The following CAMK1D variants were observed in gnomAD, a reference collection of about 807,000 sequenced individuals.
CAMK1D encodes the protein calcium/calmodulin dependent protein kinase ID.
CAMK1D carries 9 observed loss-of-function variants against 47.7 expected under a neutral mutation model. The ratio of observed to expected loss-of-function variants is 0.19; its 90% CI spans 0.11 to 0.33. The LOEUF is 0.33. Ranked by LOEUF, CAMK1D falls within the 10% of genes least tolerant of loss-of-function variation. The pLI is 1.00. For synonymous variants in CAMK1D, 184 were observed against 184.9 expected, an observed-to-expected ratio of 0.99 and a Z score of 0.04; for missense variants, 291 against 488.7, an observed-to-expected ratio of 0.60 and a Z score of 3.81.
chr10:12,830,959 AC>A lies in CAMK1D; in HGVS notation c.*2073del, dbSNP rs1564597045. ...CACACACACACACACACACACACAC[AC>A]ACACAATGTTATTAGGCACAGCAGC... On this transcript the variant is annotated 3_prime_UTR_variant, in exon 11 of 11. Coordinates refer to ENST00000619168, the MANE Select transcript of CAMK1D (RefSeq NM_153498.4). 5.3e-3 allele frequency: 772 copies of A among 146,882 alleles called. 6 individuals carry two copies. Among genetic ancestry groups the A allele is most frequent in the African/African-American group, 0.014 (503 of 35,988 alleles). 9.1% of individuals were successfully genotyped at this position (146,882 alleles called of 1,614,324 possible). A position where few individuals can be genotyped will look rare whatever the true frequency, so the allele number is the denominator to read the frequency against.
intron 1 of CAMK1D, among the ~76,000 whole-genome samples, chr10:12,432,505 G>A (rs187915109): frequency 8.2e-4 from 125 of 152,284 alleles, no homozygotes; most frequent in African/African-American, 2.8e-3. Context: ...ATGAGTTAAT[G>A]TGTGAATGAA....
chr10:12,821,662 T>C (rs1395266952), intron 8 of CAMK1D, among the ~76,000 whole-genome samples: 1 of 152,238 alleles, frequency 6.6e-6, no homozygotes, highest in Non-Finnish European at 1.5e-5. Flanking sequence ...GCTATCTGCA[T>C]TGTTCTTGTA....
At chr10:12,442,605 G>GT (rs1173097907) in intron 1 of CAMK1D, among the ~76,000 whole-genome samples, 2 of 152,250 alleles carry the variant, frequency 1.3e-5, no homozygotes, top group East Asian at 1.9e-4. Context: ...ACTGTTTTTA[G>GT]TTTTTTTGTC....
chr10:12,465,475 C>T (rs528571948), intron 1 of CAMK1D, among the ~76,000 whole-genome samples: 2 of 152,316 alleles, frequency 1.3e-5, no homozygotes, highest in Admixed American at 1.3e-4. Flanking sequence ...CTGCCTCAGC[C>T]TTCCGAGTAG....
intron 3 of CAMK1D, among the ~76,000 whole-genome samples, chr10:12,756,610 T>A (rs1836236069): frequency 1.3e-5 from 2 of 152,200 alleles, no homozygotes; most frequent in Non-Finnish European, 2.9e-5. Flanking sequence ...CATTATACTG[T>A]CTTAGGCAAG....
At chr10:12,557,361 A>C (rs1836793959) in intron 2 of CAMK1D, among the ~76,000 whole-genome samples, 1 of 152,062 alleles carries the variant, frequency 6.6e-6, no homozygotes, top group African/African-American at 2.4e-5. Flanking sequence ...AATCCTGGCT[A>C]ATACGGTGAA....
At chr10:12,517,583 T>C (rs986604384) in intron 1 of CAMK1D, among the ~76,000 whole-genome samples, 2 of 152,250 alleles carry the variant, frequency 1.3e-5, no homozygotes, top group African/African-American at 4.8e-5. Context: ...TTAAGTCATA[T>C]GTGGATATTG....
intron 5 of CAMK1D, among the ~76,000 whole-genome samples, chr10:12,774,157 A>G (rs970074349): frequency 3.9e-5 from 6 of 152,144 alleles, no homozygotes; most frequent in Non-Finnish European, 8.8e-5. Flanking sequence ...TGAGAGAGAC[A>G]TAGGCTATAA....
chr10:12,572,620 T>G (rs1564420653), intron 2 of CAMK1D, among the ~76,000 whole-genome samples: 1 of 152,054 alleles, frequency 6.6e-6, no homozygotes, highest in Non-Finnish European at 1.5e-5. Context: ...CAAGGCAATT[T>G]ACTTTTTTTT....
In CAMK1D at chr10:12,674,599, C is replaced by CTTTTTTTTTTTTTT. The variant is rs11391139; in HGVS notation, c.299+7794_299+7807dup. Among the ~76,000 whole-genome samples, 342 of 63,394 alleles carry CTTTTTTTTTTTTTT rather than the reference C, an allele frequency of 5.4e-3. 40 individuals carry two copies. The highest frequency in any genetic ancestry group is 0.013 in the South Asian group (13 of 1,016). 41.6% of individuals were successfully genotyped at this position (63,394 alleles called of 152,430 possible). A position where few individuals can be genotyped will look rare whatever the true frequency, so the allele number is the denominator to read the frequency against. ...TTTTATTTGGGTTTTTGGAAAAATG[C>CTTTTTTTTTTTTTT]TTTTTTTTTTTTTTTTTTCAGAATT... On this transcript the variant is annotated intron_variant, in intron 3 of 10. Coordinates refer to ENST00000619168, the MANE Select transcript of CAMK1D (RefSeq NM_153498.4).
At chr10:12,631,558 G>C (rs1043234840) in intron 2 of CAMK1D, among the ~76,000 whole-genome samples, 2 of 152,208 alleles carry the variant, frequency 1.3e-5, no homozygotes, top group African/African-American at 2.4e-5. Context: ...TAGGGTAGAC[G>C]TGTCAGGTTA....
chr10:12,455,061 G>C (rs1222276272), intron 1 of CAMK1D, among the ~76,000 whole-genome samples: 3 of 152,170 alleles, frequency 2.0e-5, no homozygotes, highest in Non-Finnish European at 4.4e-5. Context: ...TGCCACTTTG[G>C]ATGAAAGCTT....
intron 5 of CAMK1D, among the ~76,000 whole-genome samples, chr10:12,773,112 T>A (rs1474589920): frequency 6.6e-6 from 1 of 152,236 alleles, no homozygotes; most frequent in Non-Finnish European, 1.5e-5. Flanking sequence ...GCATTAGGGT[T>A]CGTATCAATC....
chr10:12,572,918 A>T (rs1282112853), intron 2 of CAMK1D, among the ~76,000 whole-genome samples: 1 of 152,180 alleles, frequency 6.6e-6, no homozygotes, highest in African/African-American at 2.4e-5. Flanking sequence ...GGTGTGAACC[A>T]CCATGCCCAA....
intron 7 of CAMK1D, among the ~76,000 whole-genome samples, chr10:12,814,704 C>T (rs902405980): frequency 6.6e-6 from 1 of 152,118 alleles, no homozygotes; most frequent in Non-Finnish European, 1.5e-5. Flanking sequence ...CCTAATTACC[C>T]CTAAAAGGTC....
At chr10:12,352,797 C>T (rs112891099) in intron 1 of CAMK1D, among the ~76,000 whole-genome samples, 13,762 of 144,690 alleles carry the variant, frequency 0.095, 813 homozygotes, top group Non-Finnish European at 0.13. Context: ...AGTGCAGTGG[C>T]GCAATCTCGG....
chr10:12,650,558 G>A (rs1394078041), intron 2 of CAMK1D, among the ~76,000 whole-genome samples: 4 of 152,154 alleles, frequency 2.6e-5, no homozygotes, highest in African/African-American at 9.7e-5. Context: ...TTTATGTGAG[G>A]TGTCTGCACA....
intron 8 of CAMK1D, among the ~76,000 whole-genome samples, chr10:12,818,841 A>G (rs1348237154): frequency 1.3e-5 from 2 of 152,232 alleles, no homozygotes; most frequent in Non-Finnish European, 2.9e-5. Context: ...GAAGGAAAGA[A>G]CATTCTGAAG....
intron 3 of CAMK1D, among the ~76,000 whole-genome samples, chr10:12,671,656 T>A (rs186898201): frequency 1.2e-4 from 18 of 151,876 alleles, no homozygotes; most frequent in African/African-American, 4.3e-4. Flanking sequence ...CACACACATA[T>A]ATATATTAAA....
Sources: gnomAD v4.1 joint callset for allele counts (sites outside exome capture counted in the v4.1 genomes callset) on GRCh38, gnomAD v4.1.1 for gene constraint, MANE v1.5 for transcripts, NCBI Gene and HGNC (gene_info 2026-07-23, HGNC 2026-07-21) for gene names.